The following ARPC1B variants were observed in gnomAD, a reference collection of about 807,000 sequenced individuals.
ARPC1B encodes actin-related protein 2/3 complex subunit 1B.
ARPC1B carries 29 observed loss-of-function variants against 46.0 expected under a neutral mutation model. The ratio of observed to expected loss-of-function variants is 0.63; its 90% confidence interval spans 0.47 to 0.86. The LOEUF is 0.86. ARPC1B is among the 40% of genes least tolerant of loss of function. The pLI is 0.00. For synonymous variants in ARPC1B, 201 were observed against 213.9 expected, an observed-to-expected ratio of 0.94 and a Z score of 0.53; for missense variants, 469 against 529.4, an observed-to-expected ratio of 0.89 and a Z score of 1.12.
chr7:99,393,599 G>A (rs1426890302), intron 8 of ARPC1B, among the ~76,000 whole-genome samples: 1 of 152,152 alleles, frequency 6.6e-6, no homozygotes, highest in Non-Finnish European at 1.5e-5. Context: ...CCACCCCGCG[G>A]CGAATCAGAG....
intron 5 of ARPC1B, 88 bp from the exon 6 acceptor site, chr7:99,390,805 C>G: frequency 8.0e-7 from 1 of 1,249,834 alleles, no homozygotes; most frequent in Non-Finnish European, 1.1e-6. Context: ...TCAAGCAATC[C>G]TCCCGCCTCA....
At position 99,392,657 on chromosome 7, in the gene ARPC1B, C is replaced by T. The variant is rs1211773370; in HGVS notation, c.784-14C>T. 3 of 1,492,736 alleles carry T rather than the reference C, an allele frequency of 2.0e-6. No homozygotes were observed. The highest frequency in any genetic ancestry group is 2.6e-5 in the East Asian group (1 of 38,790). The allele number at this position is 1,492,736 out of a possible 1,614,324, so 92.5% of individuals were successfully genotyped here. On this transcript the variant is annotated splice_polypyrimidine_tract_variant and intron_variant, in intron 7 of 9. Coordinates refer to ENST00000646101, the MANE Select transcript of ARPC1B (RefSeq NM_005720.4). ...CCCTCCGCGGCGCTCCAATGGCCCC[C>T]GCCCTCCGCGCAGGGCCACGACTGC...
intron 1 of ARPC1B, among the ~76,000 whole-genome samples, chr7:99,378,561 T>C (rs573767775): frequency 6.6e-6 from 1 of 150,980 alleles, no homozygotes; most frequent in Non-Finnish European, 1.5e-5. Context: ...TGGGCACCTG[T>C]AGTTCCACCT....
chr7:99,386,621 A>T, intron 2 of ARPC1B, 64 bp from the exon 3 acceptor site: 1 of 1,194,966 alleles, frequency 8.4e-7, no homozygotes, highest in Non-Finnish European at 1.3e-6. Flanking sequence ...TGCACTGTGT[A>T]GTGTGTCCTG....
In ARPC1B at chr7:99,394,728, A is replaced by G. The variant is rs2150900632; in HGVS notation, c.*239A>G. 1 of 1,287,710 alleles carries G rather than the reference A, an allele frequency of 7.8e-7. No homozygotes were observed. The highest frequency in any genetic ancestry group is 1.6e-5 in the African/African-American group (1 of 62,090). 79.8% of individuals were successfully genotyped at this position (1,287,710 alleles called of 1,614,324 possible). Reference sequence around the variant, plus strand: ...AAAAAAAAAATGCCCCCAAAGCACTATGCTGGTCATGAACTGCTTCAAAAT... The same window carrying G: ...AAAAAAAAAATGCCCCCAAAGCACTGTGCTGGTCATGAACTGCTTCAAAAT... On this transcript the variant is annotated 3_prime_UTR_variant, in exon 10 of 10. Transcript: ENST00000646101.
intron 1 of ARPC1B, among the ~76,000 whole-genome samples, chr7:99,384,596 G>C (rs1477481863): frequency 1.3e-5 from 2 of 152,178 alleles, no homozygotes; most frequent in Non-Finnish European, 2.9e-5. Context: ...GGGTCACCCT[G>C]GGGCCTCCCC....
At chr7:99,378,204 C>T (rs916684713) in intron 1 of ARPC1B, among the ~76,000 whole-genome samples, 6 of 151,702 alleles carry the variant, frequency 4.0e-5, no homozygotes, top group South Asian at 4.2e-4. Context: ...GGACTACAGG[C>T]GTACAGCATC....
At chr7:99,377,071 G>A (rs1794049500) in intron 1 of ARPC1B, among the ~76,000 whole-genome samples, 1 of 151,908 alleles carries the variant, frequency 6.6e-6, no homozygotes, top group South Asian at 2.1e-4. Flanking sequence ...TAGTGCCATG[G>A]CTTGATCATA....
chr7:99,385,977 G>A (rs921091431), intron 2 of ARPC1B, among the ~76,000 whole-genome samples, 199 bp downstream of exon 2: 4 of 152,198 alleles, frequency 2.6e-5, no homozygotes, highest in African/African-American at 9.6e-5. Flanking sequence ...TGGGCCAGTT[G>A]CGGTAGCTCA....
At chr7:99,389,789 T>C (rs1794508787) in intron 4 of ARPC1B, 116 bp from the exon 5 acceptor site, 1 of 894,238 alleles carries the variant, frequency 1.1e-6, no homozygotes, top group Non-Finnish European at 1.8e-6. Context: ...GTCGCCTCTC[T>C]CCTGGGTCTT....
intron 1 of ARPC1B, 76 bp from the exon 2 acceptor site, chr7:99,385,626 T>A (rs1381739007): frequency 3.1e-6 from 4 of 1,307,690 alleles, no homozygotes; most frequent in Non-Finnish European, 4.3e-6. Context: ...GTGAGGATCA[T>A]CTGGGGCCTG....
chr7:99,386,077 CCT>C (rs1403794462), intron 2 of ARPC1B, among the ~76,000 whole-genome samples: 2 of 151,930 alleles, frequency 1.3e-5, no homozygotes, highest in Non-Finnish European at 2.9e-5. Context: ...ATGGTGAAAC[CCT>C]GTCTCTACTA....
chr7:99,383,392 T>G (rs964576337), intron 1 of ARPC1B, among the ~76,000 whole-genome samples: 4 of 152,122 alleles, frequency 2.6e-5, no homozygotes, highest in African/African-American at 9.7e-5. Context: ...AATGAAAAAT[T>G]TGTTCAGCGG....
chr7:99,382,185 T>C (rs200905274), intron 1 of ARPC1B, among the ~76,000 whole-genome samples: 1 of 152,020 alleles, frequency 6.6e-6, no homozygotes, highest in African/African-American at 2.4e-5. Flanking sequence ...TGCCTGTAAT[T>C]CCAGCACTTT....
chr7:99,393,089 A>G (rs991796583), intron 8 of ARPC1B, among the ~76,000 whole-genome samples: 1 of 151,684 alleles, frequency 6.6e-6, no homozygotes, highest in Non-Finnish European at 1.5e-5. Flanking sequence ...GACGGGGCCG[A>G]TTTGTGGGCG....
chr7:99,374,454 T>C, upstream of ARPC1B: 1 of 152,176 alleles, frequency 6.6e-6, no homozygotes, highest in Non-Finnish European at 1.5e-5. This position sits in a 1 kb window ranked among gnomAD's most constrained non-coding sequence, Gnocchi z 5.0. Flanking sequence ...GGCTCGGAGG[T>C]CCAGCCCAGC....
intron 1 of ARPC1B, among the ~76,000 whole-genome samples, chr7:99,385,116 G>A (rs1417534601): frequency 1.3e-5 from 2 of 151,402 alleles, no homozygotes; most frequent in Non-Finnish European, 1.5e-5. Context: ...CACCACACCC[G>A]ACTAATTTTT....
chr7:99,391,125 GGAGGT>G (rs749887267), intron 6 of ARPC1B, 26 bp downstream of exon 6: 36 of 1,612,702 alleles, frequency 2.2e-5, no homozygotes, highest in Non-Finnish European at 3.0e-5. Context: ...CCCCAGGGGA[GGAGGT>G]GAGTGCAGAG....
intron 4 of ARPC1B, 112 bp downstream of exon 4, chr7:99,388,373 G>C: frequency 3.8e-6 from 4 of 1,065,722 alleles, no homozygotes; most frequent in Non-Finnish European, 5.5e-6. Context: ...TCACCCTGGG[G>C]GAGTCCATCC....
Sources: gnomAD v4.1 joint callset for allele counts (sites outside exome capture counted in the v4.1 genomes callset) on GRCh38, gnomAD v4.1.1 for gene constraint, Gnocchi (gnomAD v3.1) non-coding constraint, MANE v1.5 for transcripts, NCBI Gene and HGNC (gene_info 2026-07-23, HGNC 2026-07-21) for gene names.